ZRANB3: variants seen among roughly 807,000 people sequenced by gnomAD.
The protein encoded by ZRANB3 is zinc finger RANBP2-type containing 3, also known as DNA annealing helicase and endonuclease ZRANB3.
Under a neutral mutation model 133.8 loss-of-function variants are expected in ZRANB3, and 125 were observed. That is an observed-to-expected ratio of 0.93 (90% CI 0.81 to 1.08). ZRANB3 has a LOEUF of 1.08. Among genes scored for constraint, ZRANB3 ranks in the 50% least tolerant of loss-of-function variants. The pLI, the probability that ZRANB3 is intolerant of heterozygous loss-of-function variation, is 0.00. For synonymous variants in ZRANB3, 387 were observed against 432.7 expected (o/e 0.89, Z 1.31); for missense variants, 1,229 against 1,275.5 (o/e 0.96, Z 0.56).
chr2:135,530,452 A>T (rs1694477519), intron 1 of ZRANB3: 1 of 152,108 alleles, frequency 6.6e-6, no homozygotes, highest in African/African-American at 2.4e-5. Flanking sequence ...ATGCCATTAA[A>T]TTCCGTTCAA....
At chr2:135,278,724 T>A (rs1680958849) in intron 8 of ZRANB3, among the ~76,000 whole-genome samples, 1 of 152,198 alleles carries the variant, frequency 6.6e-6, no homozygotes, top group Non-Finnish European at 1.5e-5. Flanking sequence ...GAAAAACCTT[T>A]ATAATTATTA....
At chr2:135,411,990 C>A (rs919307453) in intron 2 of ZRANB3, among the ~76,000 whole-genome samples, 4 of 152,120 alleles carry the variant, frequency 2.6e-5, no homozygotes, top group Non-Finnish European at 5.9e-5. Context: ...ACATTTGGTA[C>A]ACTTATTTGT....
At chr2:135,209,036 G>A in intron 17 of ZRANB3, 58 bp from the exon 18 acceptor site, 1 of 1,489,576 alleles carries the variant, frequency 6.7e-7, no homozygotes. Context: ...TGTCTCTATT[G>A]CATGTTTACA....
At chr2:135,271,358 A>G (rs967650583) in intron 10 of ZRANB3, 11 of 472,010 alleles carry the variant, frequency 2.3e-5, no homozygotes, top group Admixed American at 1.9e-4. Flanking sequence ...TCCTGAGACA[A>G]GAGTTCTTTT....
rs1322819086 is a variant in ZRANB3, at chr2:135,229,399, G to A, written c.1954+1114C>T. ...TTTTTTTTTTTTGAGACGGAGTCTC[G>A]CTCTGTTGCCCAGCCTGGAGTGCAG... On this transcript the variant is annotated intron_variant, in intron 13 of 20. Coordinates refer to ENST00000264159, the MANE Select transcript of ZRANB3 (RefSeq NM_032143.4). 7.0e-5 allele frequency among the ~76,000 whole-genome samples: 10 copies of A among 143,364 alleles called. No homozygotes were observed. The East Asian group carries it at 1.2e-3, about 18-fold the overall frequency. 94.1% of individuals were successfully genotyped at this position (143,364 alleles called of 152,430 possible).
intron 2 of ZRANB3, among the ~76,000 whole-genome samples, chr2:135,486,439 G>A (rs1360911096): frequency 6.6e-6 from 1 of 151,718 alleles, no homozygotes; most frequent in Non-Finnish European, 1.5e-5. Context: ...CAACAATTCA[G>A]TCACATCTTC....
chr2:135,398,218 A>AC (rs1235213615), intron 2 of ZRANB3, among the ~76,000 whole-genome samples: 1 of 151,802 alleles, frequency 6.6e-6, no homozygotes, highest in Non-Finnish European at 1.5e-5. Context: ...GGTGCCCGCC[A>AC]CCACACCCGG....
intron 12 of ZRANB3, among the ~76,000 whole-genome samples, chr2:135,238,536 G>A (rs1258949398): frequency 6.6e-6 from 1 of 151,812 alleles, no homozygotes; most frequent in African/African-American, 2.4e-5. Context: ...GCTAATTTTT[G>A]TATTTTTAGT....
chr2:135,266,782 A>C (rs1368647422), intron 11 of ZRANB3, among the ~76,000 whole-genome samples: 1 of 151,534 alleles, frequency 6.6e-6, no homozygotes, highest in Non-Finnish European at 1.5e-5. Flanking sequence ...AAAAAAAAAG[A>C]GTCTAATAAG....
intron 6 of ZRANB3, among the ~76,000 whole-genome samples, chr2:135,319,686 G>A (rs115963791): frequency 0.01 from 1,523 of 152,180 alleles, 23 homozygotes; most frequent in African/African-American, 0.035. Flanking sequence ...AGACACGTTC[G>A]CACTGCAATA....
intron 1 of ZRANB3, among the ~76,000 whole-genome samples, chr2:135,528,434 C>T (rs1694251735): frequency 6.6e-6 from 1 of 152,140 alleles, no homozygotes; most frequent in African/African-American, 2.4e-5. Context: ...AGGTATGAGC[C>T]ACCAGGTCAG....
chr2:135,316,158 A>G (rs538673632), intron 6 of ZRANB3, among the ~76,000 whole-genome samples: 1 of 152,214 alleles, frequency 6.6e-6, no homozygotes, highest in Non-Finnish European at 1.5e-5. Flanking sequence ...CTTTGAAGAA[A>G]TATTTAGAAG....
At chr2:135,381,524 A>C (rs1686698556) in intron 3 of ZRANB3, among the ~76,000 whole-genome samples, 1 of 152,290 alleles carries the variant, frequency 6.6e-6, no homozygotes, top group East Asian at 1.9e-4. Context: ...ACAGCTGGAG[A>C]TCTGAGAACG....
intron 2 of ZRANB3, among the ~76,000 whole-genome samples, chr2:135,433,108 G>T (rs568421389): frequency 6.2e-4 from 94 of 152,236 alleles, no homozygotes; most frequent in African/African-American, 2.2e-3. Context: ...ACTGAGGCAG[G>T]TAACAGGGTA....
chr2:135,424,780 T>A (rs1051871380), intron 2 of ZRANB3, among the ~76,000 whole-genome samples: 1 of 152,034 alleles, frequency 6.6e-6, no homozygotes, highest in Non-Finnish European at 1.5e-5. Flanking sequence ...AGGAAATTAG[T>A]TTCTATATTC....
intron 2 of ZRANB3, among the ~76,000 whole-genome samples, chr2:135,484,432 GTAT>G (rs1231164763): frequency 6.6e-6 from 1 of 151,996 alleles, no homozygotes; most frequent in Non-Finnish European, 1.5e-5. Context: ...TAAATTTCAT[GTAT>G]TATTACATTG....
intron 8 of ZRANB3, among the ~76,000 whole-genome samples, chr2:135,288,956 C>T (rs893122673): frequency 1.4e-5 from 2 of 145,892 alleles, no homozygotes; most frequent in Non-Finnish European, 3.0e-5. Context: ...TATTTCTTTT[C>T]TTCTGCTGGG....
At chr2:135,299,416 T>A (rs1682326234) in intron 8 of ZRANB3, among the ~76,000 whole-genome samples, 1 of 152,190 alleles carries the variant, frequency 6.6e-6, no homozygotes, top group African/African-American at 2.4e-5. Context: ...AAGCCTCCCC[T>A]GCTCTGCCTA....
intron 6 of ZRANB3, among the ~76,000 whole-genome samples, chr2:135,332,491 C>T (rs1684194837): frequency 1.3e-5 from 2 of 152,126 alleles, no homozygotes; most frequent in African/African-American, 4.8e-5. Flanking sequence ...TAACATTAGA[C>T]ATTTTTGAAC....
Sources: allele counts gnomAD v4.1 joint callset (sites outside exome capture counted in the v4.1 genomes callset), GRCh38; gene constraint gnomAD v4.1.1; transcripts MANE v1.5; gene names NCBI Gene and HGNC (gene_info 2026-07-23, HGNC 2026-07-21).